Variants in SRGAP2B observed in about 807,000 individuals in gnomAD.
SRGAP2B encodes the protein SLIT-ROBO Rho GTPase activating protein 2B.
A neutral mutation model predicts 22.2 loss-of-function variants in SRGAP2B; 9 were observed. The ratio of observed to expected loss-of-function variants is 0.41; its 90% CI spans 0.24 to 0.71. The LOEUF is 0.71. Among genes scored for constraint, SRGAP2B ranks in the 30% least tolerant of loss-of-function variants. SRGAP2B has a pLI of 0.35. For synonymous variants in SRGAP2B, 36 were observed against 87.4 expected, an observed-to-expected ratio of 0.41 and a Z score of 3.28; for missense variants, 114 against 235.8, an observed-to-expected ratio of 0.48 and a Z score of 3.38.
rs1190372470 is a variant in SRGAP2B, at chr1:145,075,815, C to T, written c.67+17020G>A. Among the ~76,000 whole-genome samples, 6 of 148,812 alleles carry T rather than the reference C, an allele frequency of 4.0e-5. 1 individual carries two copies. Among genetic ancestry groups the T allele is most frequent in the East Asian group, 4.0e-4 (2 of 5,036 alleles). ...TTAAGAACTACTCTGAGGCCGGGCA[C>T]GGTGGCTCACACCTGTAATCCCAGC... On this transcript the variant is annotated intron_variant, in intron 2 of 9. Transcript: ENST00000612199.
intron 3 of SRGAP2B, among the ~76,000 whole-genome samples, chr1:144,960,596 G>A (rs1553611089): frequency 6.6e-6 from 1 of 150,400 alleles, no homozygotes; most frequent in Non-Finnish European, 1.5e-5. Flanking sequence ...AAAGGTCCAA[G>A]TTGGCCTCTC....
intron 3 of SRGAP2B, among the ~76,000 whole-genome samples, chr1:144,992,428 A>C (rs1213806549): frequency 4.0e-5 from 6 of 150,576 alleles, no homozygotes; most frequent in Admixed American, 4.0e-4. Flanking sequence ...ATCAAATGCT[A>C]TTTTAAATTT....
intron 7 of SRGAP2B, 107 bp downstream of exon 7, chr1:144,904,984 G>A (rs1404594863): frequency 1.6e-6 from 1 of 610,688 alleles, no homozygotes; most frequent in Non-Finnish European, 3.0e-6. Flanking sequence ...CTTCCTAATT[G>A]TTCTCAAAAT....
chr1:145,006,744 T>A (rs1301154412), intron 2 of SRGAP2B, among the ~76,000 whole-genome samples: 4 of 150,930 alleles, frequency 2.7e-5, no homozygotes, highest in Non-Finnish European at 5.9e-5. Context: ...GGCAGACACA[T>A]CTTATATATT....
At chr1:144,986,780 C>T (rs200234277) in intron 3 of SRGAP2B, among the ~76,000 whole-genome samples, 64 of 147,966 alleles carry the variant, frequency 4.3e-4, no homozygotes, top group Non-Finnish European at 6.5e-4. Context: ...GAATAAAGCC[C>T]GAACCCTGTC....
intron 3 of SRGAP2B, among the ~76,000 whole-genome samples, chr1:144,984,389 C>G (rs1424832891): frequency 7.0e-6 from 1 of 142,578 alleles, no homozygotes; most frequent in East Asian, 2.0e-4. Flanking sequence ...CAAAAAAGCC[C>G]CTCTCTATTT....
chr1:144,920,848 G>A (rs1378028383), intron 4 of SRGAP2B, among the ~76,000 whole-genome samples: 4 of 150,818 alleles, frequency 2.7e-5, no homozygotes, highest in Middle Eastern at 3.4e-3. Flanking sequence ...AAGGACTGGA[G>A]CCCACTAACT....
At chr1:145,065,268 G>A (rs1454752329) in intron 2 of SRGAP2B, among the ~76,000 whole-genome samples, 1 of 151,488 alleles carries the variant, frequency 6.6e-6, no homozygotes, top group Non-Finnish European at 1.5e-5. Context: ...CATCAGATAT[G>A]GAATTCAGAC....
chr1:144,997,359 A>G (rs1248477160), intron 2 of SRGAP2B, among the ~76,000 whole-genome samples: 8 of 150,702 alleles, frequency 5.3e-5, no homozygotes, highest in East Asian at 3.9e-4. Flanking sequence ...TGAACCCGGG[A>G]GGTGGAGCTT....
At chr1:144,917,739 G>A (rs1416041452) in intron 4 of SRGAP2B, 7 of 128,812 alleles carry the variant, frequency 5.4e-5, no homozygotes, top group Non-Finnish European at 1.1e-4. Context: ...TGTGTAGCGA[G>A]CCCACTTAAA....
chr1:144,889,217 A>AGCGCT (rs1662080196), exon 10 of SRGAP2B: 1 of 149,452 alleles, frequency 6.7e-6, no homozygotes, highest in Non-Finnish European at 1.5e-5. Context: ...AGGCTCCCAC[A>AGCGCT]GCGCTGGGAT....
At chr1:144,909,835 GAT>G (rs1663286898) in intron 5 of SRGAP2B, among the ~76,000 whole-genome samples, 1 of 150,536 alleles carries the variant, frequency 6.6e-6, no homozygotes, top group South Asian at 2.1e-4. Flanking sequence ...TCAAAAGTGT[GAT>G]CTCTCAGCAA....
Position 145,061,742 on chromosome 1 carries a change from C to G in SRGAP2B, c.67+31093G>C, listed in dbSNP as rs1203534415. ...AGCTGGGATTACGGGCACCTGCCAC[C>G]CACCTAGCTAATTTTTGTATTTTTT... On this transcript the variant is annotated intron_variant, in intron 2 of 9. Transcript: ENST00000612199. Among the ~76,000 whole-genome samples the G allele has an allele frequency of 4.1e-5, 6 of 147,478 alleles. 1 individual carries two copies. The highest frequency in any genetic ancestry group is 1.5e-4 in the African/African-American group (6 of 39,248).
chr1:144,931,540 AT>A (rs1366455058), intron 4 of SRGAP2B, among the ~76,000 whole-genome samples: 1 of 150,846 alleles, frequency 6.6e-6, no homozygotes, highest in Non-Finnish European at 1.5e-5. Context: ...TTGTGATTCC[AT>A]CTGTTAAAAA....
In SRGAP2B at chr1:144,984,366, A is replaced by C. The variant is rs1180599549; in HGVS notation, c.260+10642T>G. ...CAACAACAACAACAACAACAACAAC[A>C]AAAAAAAAAAAACAAAAAAGCCCCT... On this transcript the variant is annotated intron_variant, in intron 3 of 9. Transcript: ENST00000612199. Among the ~76,000 whole-genome samples, 11 of 50,292 alleles carry C rather than the reference A, an allele frequency of 2.2e-4. 2 individuals carry two copies. The highest frequency in any genetic ancestry group is 4.8e-4 in the African/African-American group (11 of 22,746). The allele number at this position is 50,292 out of a possible 152,430, so 33.0% of individuals were successfully genotyped here. A position where few individuals can be genotyped will look rare whatever the true frequency, so the allele number is the denominator to read the frequency against.
At chr1:144,994,946 C>A (rs1317234437) in intron 3 of SRGAP2B, 62 bp downstream of exon 3, 18 of 862,272 alleles carry the variant, frequency 2.1e-5, no homozygotes, top group Non-Finnish European at 2.2e-5. Flanking sequence ...CATACCCTGC[C>A]CCCCTCCACC....
At chr1:145,064,830 C>G (rs1265179155) in intron 2 of SRGAP2B, among the ~76,000 whole-genome samples, 1 of 147,774 alleles carries the variant, frequency 6.8e-6, no homozygotes, top group Non-Finnish European at 1.5e-5. Flanking sequence ...CAGGGCTACT[C>G]CCAAACTGGG....
intron 3 of SRGAP2B, among the ~76,000 whole-genome samples, chr1:144,980,163 TTA>T (rs1198622323): frequency 6.7e-6 from 1 of 148,334 alleles, no homozygotes; most frequent in Admixed American, 6.7e-5. Context: ...TTGCTCTGTT[TTA>T]GAGTCCACAC....
chr1:144,907,667 G>C (rs1224072299), intron 5 of SRGAP2B, among the ~76,000 whole-genome samples: 1 of 150,004 alleles, frequency 6.7e-6, no homozygotes, highest in African/African-American at 2.5e-5. Context: ...CTAGTAGTTA[G>C]AGGTCAGGGA....
Sources: allele counts gnomAD v4.1 joint callset (sites outside exome capture counted in the v4.1 genomes callset), GRCh38; gene constraint gnomAD v4.1.1; transcripts MANE v1.5; gene names NCBI Gene and HGNC (gene_info 2026-07-23, HGNC 2026-07-21).